Variants in LUC7L observed in about 807,000 individuals in gnomAD.
The protein encoded by LUC7L is putative RNA-binding protein Luc7-like 1.
Under a neutral mutation model 51.1 loss-of-function variants are expected in LUC7L, and 29 were observed. The ratio of observed to expected loss-of-function variants is 0.57; its 90% CI spans 0.42 to 0.77. The LOEUF (loss-of-function observed/expected upper bound fraction) is 0.77. Ranked by LOEUF, LUC7L falls within the 30% of genes least tolerant of loss-of-function variation. The pLI is 0.00. For synonymous variants in LUC7L, 181 were observed against 180.7 expected (o/e 1.00, Z -0.01); for missense variants, 403 against 511.9 (o/e 0.79, Z 2.05).
intron 1 of LUC7L, chr16:227,957 A>G: frequency 9.7e-7 from 1 of 1,029,416 alleles, no homozygotes; most frequent in Non-Finnish European, 1.2e-6. Context: ...GTTAGTCAAT[A>G]CACACTGTGA....
intron 2 of LUC7L, among the ~76,000 whole-genome samples, chr16:225,437 G>C (rs909546682): frequency 6.7e-6 from 1 of 149,208 alleles, no homozygotes; most frequent in African/African-American, 2.5e-5. Flanking sequence ...GGTGAGCCAC[G>C]ATCACATCAC....
At chr16:221,304 C>G (rs1479934192) in intron 2 of LUC7L, among the ~76,000 whole-genome samples, 1 of 151,376 alleles carries the variant, frequency 6.6e-6, no homozygotes, top group East Asian at 2.0e-4. Context: ...CTTGGCCTCC[C>G]AAAGAGCTGG....
chr16:196,807 G>GT (rs1274357998), intron 6 of LUC7L, among the ~76,000 whole-genome samples: 1 of 151,962 alleles, frequency 6.6e-6, no homozygotes, highest in Non-Finnish European at 1.5e-5. Flanking sequence ...GATTACAGGT[G>GT]TGAGCCACCA....
At chr16:215,578 G>A (rs544300301) in intron 3 of LUC7L, among the ~76,000 whole-genome samples, 31 of 149,434 alleles carry the variant, frequency 2.1e-4, no homozygotes, top group African/African-American at 7.4e-4. Flanking sequence ...CGAGATCATC[G>A]CGCCATTGCA....
intron 2 of LUC7L, among the ~76,000 whole-genome samples, chr16:223,523 A>G (rs1163775460): frequency 1.3e-5 from 2 of 152,154 alleles, no homozygotes; most frequent in African/African-American, 4.8e-5. Flanking sequence ...CTCCTTTATC[A>G]TTCTTACTCT....
chr16:222,831 T>C (rs1188264725), intron 2 of LUC7L, among the ~76,000 whole-genome samples: 1 of 150,734 alleles, frequency 6.6e-6, no homozygotes, highest in Non-Finnish European at 1.5e-5. Flanking sequence ...GGTTTCTCCA[T>C]GTTGGTCAGG....
rs1029065665 is a variant in LUC7L, at chr16:219,895, G to A, written c.255+754C>T. On this transcript the variant is annotated intron_variant, in intron 3 of 9. Transcript: ENST00000293872. ...AAAAAAAAAAAAAGAATTTACTAATGTAGATAAAATAACACAACTACTGAG... is the reference window on the plus strand; with the variant it reads ...AAAAAAAAAAAAAGAATTTACTAATATAGATAAAATAACACAACTACTGAG... 3.3e-5 allele frequency among the ~76,000 whole-genome samples: 5 copies of A among 151,910 alleles called. No homozygotes were observed. The South Asian group carries it at 8.3e-4, about 25-fold the overall frequency.
intron 7 of LUC7L, chr16:190,827 C>A (rs2048992071): frequency 6.3e-6 from 3 of 474,888 alleles, no homozygotes; most frequent in Non-Finnish European, 1.1e-5. Flanking sequence ...TTGCAGTGAG[C>A]TGAGATTGTG....
At chr16:206,890 T>TAAAAAAAA (rs67775388) in intron 4 of LUC7L, among the ~76,000 whole-genome samples, 1 of 99,566 alleles carries the variant, frequency 1.0e-5, no homozygotes, top group Non-Finnish European at 1.9e-5. Flanking sequence ...CCATCTTTAT[T>TAAAAAAAA]AAAAAAAAAA....
chr16:192,475 G>C (rs2049034537), intron 7 of LUC7L, among the ~76,000 whole-genome samples: 1 of 138,332 alleles, frequency 7.2e-6, no homozygotes, highest in African/African-American at 2.6e-5. Flanking sequence ...GTTTTGTTTT[G>C]TTTTGTTGGA....
Position 220,693 on chromosome 16 carries a change from A to T in LUC7L, c.211T>A (p.Tyr71Asn). Residue 71 changes from tyrosine to asparagine, a missense_variant, in exon 3 of 10, where the codon TAT becomes AAT. Tyr to Asn is a moderately radical substitution (Grantham distance 143). This residue lies in a region of LUC7L where 182 missense variants were observed against 248.4 expected (regional missense o/e 0.73). Coordinates refer to ENST00000293872, the MANE Select transcript of LUC7L (RefSeq NM_201412.3). ...KIHDLALRAD[Y>N]EIASKERDLF... ...TCTCTTTCTTTACTTGCAATCTCAT[A>T]ATCTGCTCGGAGGGCCAAGTCGTGG... 6.2e-7 allele frequency: 1 copy of T among 1,614,060 alleles called. No homozygotes were observed. Among genetic ancestry groups the T allele is most frequent in the Non-Finnish European group, 8.5e-7 (1 of 1,179,956 alleles).
intron 5 of LUC7L, among the ~76,000 whole-genome samples, chr16:201,032 C>T (rs1433001677): frequency 2.6e-5 from 4 of 151,214 alleles, no homozygotes; most frequent in South Asian, 2.1e-4. Context: ...TAGCTGGGCA[C>T]GGTGGCTGGC....
At chr16:205,913 A>G in intron 5 of LUC7L, 91 bp downstream of exon 5, 2 of 1,458,786 alleles carry the variant, frequency 1.4e-6, no homozygotes, top group Non-Finnish European at 1.9e-6. Flanking sequence ...TTTTTAAAAA[A>G]TGGGAGCAAG....
rs368981969 is a variant in LUC7L at position 201,094 on chromosome 16, G to A, written c.511-1856C>T. On this transcript the variant is annotated intron_variant, in intron 5 of 9. Transcript: ENST00000293872. The stretch of plus-strand genomic sequence containing the variant: ...CTGAGTCTGAGAATTACTTGAACCC[G>A]GGAGTCAGAGGATGCAGTGAGCCGA... Among the ~76,000 whole-genome samples, 7 of 149,784 alleles carry A rather than the reference G, an allele frequency of 4.7e-5. No homozygotes were observed. In the East Asian group the frequency reaches 5.9e-4, roughly 13 times the overall value.
chr16:189,645 T>C (rs2142030817), intron 9 of LUC7L: 1 of 1,316,872 alleles, frequency 7.6e-7, no homozygotes, highest in South Asian at 2.5e-5. Flanking sequence ...AAAAAAAATA[T>C]CAAAAACAAA....
At chr16:189,478 C>G in intron 9 of LUC7L, 139 bp from the exon 10 acceptor site, 1 of 1,426,452 alleles carries the variant, frequency 7.0e-7, no homozygotes, top group Non-Finnish European at 9.1e-7. Flanking sequence ...GGAGGCCAAC[C>G]AGACTTGCCC....
At chr16:212,978 G>A (rs1462400340) in intron 3 of LUC7L, among the ~76,000 whole-genome samples, 1 of 152,074 alleles carries the variant, frequency 6.6e-6, no homozygotes, top group African/African-American at 2.4e-5. Flanking sequence ...TGCCCAGGCT[G>A]GTCTCGAATT....
chr16:219,314 G>C (rs940436908), intron 3 of LUC7L, among the ~76,000 whole-genome samples: 1 of 152,046 alleles, frequency 6.6e-6, no homozygotes, highest in African/African-American at 2.4e-5. Flanking sequence ...ACTTGAACCA[G>C]GGAGTCGGAG....
chr16:192,750 G>A (rs1056040371), intron 7 of LUC7L, among the ~76,000 whole-genome samples, 177 bp downstream of exon 7: 3 of 152,100 alleles, frequency 2.0e-5, no homozygotes, highest in African/African-American at 4.8e-5. Context: ...TGTTCTGCCC[G>A]CCTCAGCCTC....
Sources: allele counts gnomAD v4.1 joint callset (sites outside exome capture counted in the v4.1 genomes callset), GRCh38; gene constraint gnomAD v4.1.1; regional missense constraint gnomAD v4.1.1; transcripts MANE v1.5; gene names NCBI Gene and HGNC (gene_info 2026-07-23, HGNC 2026-07-21).